The following PPP2R2D variants were observed in gnomAD, a reference collection of about 807,000 sequenced individuals.
PPP2R2D encodes the protein protein phosphatase 2 regulatory subunit Bdelta.
PPP2R2D carries 9 observed loss-of-function variants against 31.1 expected under a neutral mutation model. That is an observed-to-expected ratio of 0.29 (90% CI 0.17 to 0.51). PPP2R2D has a LOEUF of 0.51. PPP2R2D is among the 20% of genes least tolerant of loss of function. The probability of loss-of-function intolerance (pLI) is 0.98; values close to 1 mark genes in which losing one functional copy is unlikely to be tolerated. For synonymous variants in PPP2R2D, 179 were observed against 172.6 expected, an observed-to-expected ratio of 1.04 and a Z score of -0.29; for missense variants, 391 against 465.6, an observed-to-expected ratio of 0.84 and a Z score of 1.48.
chr10:131,943,789 A>G (rs781818032), intron 5 of PPP2R2D, among the ~76,000 whole-genome samples, 179 bp from the exon 6 acceptor site: 3 of 152,244 alleles, frequency 2.0e-5, no homozygotes, highest in Non-Finnish European at 4.4e-5. Context: ...AATAGACAGT[A>G]TTCCATTTTG....
intron 2 of PPP2R2D, among the ~76,000 whole-genome samples, chr10:131,920,959 G>A (rs914874740): frequency 2.6e-5 from 4 of 152,220 alleles, no homozygotes; most frequent in African/African-American, 7.2e-5. Flanking sequence ...GAATCTCAGG[G>A]TTGTGTGTGT....
At chr10:131,938,714 C>T (rs2036388031) in intron 3 of PPP2R2D, among the ~76,000 whole-genome samples, 1 of 152,256 alleles carries the variant, frequency 6.6e-6, no homozygotes, top group African/African-American at 2.4e-5. Flanking sequence ...TTGTGCAGCA[C>T]TGTGCGGTTG....
intron 2 of PPP2R2D, among the ~76,000 whole-genome samples, chr10:131,901,740 A>G (rs2119683268): frequency 6.6e-6 from 1 of 152,202 alleles, no homozygotes; most frequent in African/African-American, 2.4e-5. Flanking sequence ...GCGCGGCACA[A>G]TGGCCCAGAG....
intron 8 of PPP2R2D, among the ~76,000 whole-genome samples, chr10:131,955,241 A>G (rs1479353330): frequency 3.3e-5 from 5 of 152,238 alleles, no homozygotes; most frequent in African/African-American, 4.8e-5. Context: ...ACTTTTTGAA[A>G]TTAATAGAAA....
intron 8 of PPP2R2D, among the ~76,000 whole-genome samples, chr10:131,949,595 G>A (rs138279671): frequency 2.3e-3 from 351 of 152,200 alleles, no homozygotes; most frequent in African/African-American, 7.8e-3. Flanking sequence ...GAGATCCTAA[G>A]TTAAAGAAGA....
chr10:131,905,519 C>T (rs974750764), intron 2 of PPP2R2D, among the ~76,000 whole-genome samples: 1 of 152,174 alleles, frequency 6.6e-6, no homozygotes, highest in Admixed American at 6.5e-5. Flanking sequence ...CTGGCTGTCC[C>T]CCTTCCCACC....
intron 2 of PPP2R2D, among the ~76,000 whole-genome samples, chr10:131,915,216 A>G (rs1342783476): frequency 1.3e-5 from 2 of 151,970 alleles, no homozygotes; most frequent in Admixed American, 1.3e-4. Flanking sequence ...ACAAAAACTC[A>G]GCTAGTAATA....
downstream of PPP2R2D, among the ~76,000 whole-genome samples, chr10:131,962,950 G>C: frequency 6.6e-6 from 1 of 152,214 alleles, no homozygotes; most frequent in East Asian, 1.9e-4. Context: ...GGATCACGAG[G>C]TCAGGAGTTC....
intron 2 of PPP2R2D, among the ~76,000 whole-genome samples, chr10:131,925,921 C>G (rs1422704580): frequency 2.0e-5 from 3 of 152,174 alleles, no homozygotes; most frequent in African/African-American, 7.2e-5. Flanking sequence ...GTGGCTCCGC[C>G]CCGTTTTTCA....
intron 8 of PPP2R2D, among the ~76,000 whole-genome samples, chr10:131,950,527 G>A (rs561198957): frequency 4.0e-5 from 6 of 151,738 alleles, no homozygotes; most frequent in Non-Finnish European, 4.4e-5. Flanking sequence ...ACTCTCCACC[G>A]CCAGCTTAGA....
intron 8 of PPP2R2D, among the ~76,000 whole-genome samples, chr10:131,952,347 TG>T (rs112737130): frequency 0.16 from 4,366 of 27,818 alleles, 675 homozygotes; most frequent in East Asian, 0.31. Context: ...TTTGCATGTG[TG>T]GGGGGGGTTC....
intron 2 of PPP2R2D, among the ~76,000 whole-genome samples, chr10:131,924,703 A>T (rs1230479849): frequency 2.6e-5 from 4 of 152,192 alleles, no homozygotes; most frequent in African/African-American, 9.6e-5. Context: ...TGCAAAAAAA[A>T]AAAAAGGCAG....
chr10:131,956,932 TTACA>T lies in PPP2R2D; in HGVS notation c.*971_*974del, dbSNP rs1312983026. On this transcript the variant is annotated 3_prime_UTR_variant, in exon 9 of 9. Transcript: ENST00000455566. Reference sequence around the variant, plus strand: ...GTATACTTTTTAAACATTGCTAAAATTACATGCATGCTAAATTTCATCCTGCATT... The same window carrying T: ...GTATACTTTTTAAACATTGCTAAAATTGCATGCTAAATTTCATCCTGCATT... 6.6e-6 allele frequency: 1 copy of T among 152,240 alleles called. No homozygotes were observed. The highest frequency in any genetic ancestry group is 2.4e-5 in the African/African-American group (1 of 41,462). The allele number at this position is 152,240 out of a possible 1,614,324, so 9.4% of individuals were successfully genotyped here.
At chr10:131,906,096 C>T (rs2035577032) in intron 2 of PPP2R2D, among the ~76,000 whole-genome samples, 1 of 152,182 alleles carries the variant, frequency 6.6e-6, no homozygotes, top group Admixed American at 6.5e-5. Flanking sequence ...GCACGTCAAG[C>T]AAGTGCTGCA....
intron 2 of PPP2R2D, among the ~76,000 whole-genome samples, chr10:131,929,989 C>G (rs897235017): frequency 6.6e-6 from 1 of 152,270 alleles, no homozygotes; most frequent in South Asian, 2.1e-4. Context: ...TGTATGGCAA[C>G]CGATGATTCC....
At chr10:131,950,048 A>C (rs565062176) in intron 8 of PPP2R2D, among the ~76,000 whole-genome samples, 1 of 151,786 alleles carries the variant, frequency 6.6e-6, no homozygotes, top group Non-Finnish European at 1.5e-5. Flanking sequence ...GAGACTGGAA[A>C]GGAGTCAGAG....
downstream of PPP2R2D, among the ~76,000 whole-genome samples, chr10:131,961,101 T>A (rs2036914081): frequency 6.6e-6 from 1 of 152,082 alleles, no homozygotes; most frequent in African/African-American, 2.4e-5. Flanking sequence ...ACAATGCAGC[T>A]CAAACTGGTG....
intron 3 of PPP2R2D, among the ~76,000 whole-genome samples, chr10:131,938,908 C>G (rs2036391602): frequency 6.6e-6 from 1 of 152,212 alleles, no homozygotes; most frequent in East Asian, 1.9e-4. Flanking sequence ...AGAGCAGACT[C>G]AGCAGACACT....
chr10:131,965,937 C>T, the PPP2R2D span, among the ~76,000 whole-genome samples: 12 of 152,206 alleles, frequency 7.9e-5, no homozygotes, highest in South Asian at 2.1e-4. Context: ...GCAGCACTGT[C>T]GTTCTCTCGA....
Sources: allele counts gnomAD v4.1 joint callset (sites outside exome capture counted in the v4.1 genomes callset), GRCh38; gene constraint gnomAD v4.1.1; transcripts MANE v1.5; gene names NCBI Gene and HGNC (gene_info 2026-07-23, HGNC 2026-07-21).